The following REPS2 variants were observed in gnomAD, a reference collection of about 807,000 sequenced individuals.
REPS2 encodes the protein RALBP1 associated Eps domain containing 2.
In REPS2, 23 loss-of-function variants were observed where a neutral mutation model predicts 53.6. That is an observed-to-expected ratio of 0.43 (90% confidence interval 0.31 to 0.61). REPS2 has a LOEUF of 0.61. Ranked by LOEUF, REPS2 falls within the 20% of genes least tolerant of loss-of-function variation. The pLI is 0.11. For synonymous variants in REPS2, 238 were observed against 218.6 expected, an observed-to-expected ratio of 1.09 and a Z score of -0.78; for missense variants, 446 against 534.9, an observed-to-expected ratio of 0.83 and a Z score of 1.64.
intron 5 of REPS2, among the ~76,000 whole-genome samples, chrX:17,038,411 A>G (rs1416967164): frequency 2.7e-5 from 3 of 111,679 alleles, no homozygotes; most frequent in African/African-American, 6.5e-5. Context: ...CCTCTCCAAA[A>G]CCGCACAGCA....
intron 13 of REPS2, 50 bp downstream of exon 13, chrX:17,077,457 C>T (rs759708271): frequency 6.2e-6 from 7 of 1,121,926 alleles, no homozygotes; most frequent in Admixed American, 2.8e-5. Flanking sequence ...TTGGAGCCAG[C>T]GGATGTGTGT....
chrX:16,985,075 G>A (rs752836507), intron 1 of REPS2, among the ~76,000 whole-genome samples: 1 of 111,484 alleles, frequency 9.0e-6, no homozygotes, highest in Non-Finnish European at 1.9e-5. Context: ...TTAGAAAGGG[G>A]CTCAGTTTAT....
At chrX:17,004,718 G>T (rs1319777052) in intron 1 of REPS2, among the ~76,000 whole-genome samples, 1 of 111,852 alleles carries the variant, frequency 8.9e-6, no homozygotes, top group East Asian at 2.8e-4. Flanking sequence ...TGTTTTACTA[G>T]CAATTTCAGT....
intron 6 of REPS2, among the ~76,000 whole-genome samples, chrX:17,049,895 A>AT (rs765925592): frequency 1.7e-3 from 180 of 103,922 alleles, no homozygotes; most frequent in Non-Finnish European, 2.7e-3. Flanking sequence ...TGATGAAAGG[A>AT]TTTTTTTTTT....
intron 6 of REPS2, among the ~76,000 whole-genome samples, chrX:17,049,587 A>AT (rs1176656177): frequency 8.9e-6 from 1 of 111,947 alleles, no homozygotes; most frequent in African/African-American, 3.2e-5. Context: ...CAGCTGTGCA[A>AT]TTTTTTTAAA....
intron 13 of REPS2, among the ~76,000 whole-genome samples, chrX:17,091,337 A>G (rs2062613967): frequency 9.0e-6 from 1 of 111,711 alleles, no homozygotes; most frequent in South Asian, 3.8e-4. Flanking sequence ...CCCTGAATGT[A>G]GAATACCCTC....
chrX:17,062,383 C>T, intron 8 of REPS2, 55 bp from the exon 9 acceptor site: 1 of 913,290 alleles, frequency 1.1e-6, no homozygotes, highest in African/African-American at 2.0e-5. Flanking sequence ...ATGGGAAACA[C>T]TGATTACTAT....
chrX:17,110,618 C>G (rs1482333900), intron 14 of REPS2, among the ~76,000 whole-genome samples: 9 of 107,606 alleles, frequency 8.4e-5, no homozygotes, highest in Non-Finnish European at 1.7e-4. Context: ...CTTGAACCTG[C>G]AAGGCGGAGG....
the REPS2 span, among the ~76,000 whole-genome samples, chrX:17,193,268 A>G: frequency 2.7e-5 from 3 of 112,105 alleles, no homozygotes; most frequent in Non-Finnish European, 5.6e-5. Context: ...GGTATTGTCA[A>G]TGTTCTTAGT....
chrX:17,033,116 G>A (rs2061727784), intron 5 of REPS2, among the ~76,000 whole-genome samples: 1 of 112,094 alleles, frequency 8.9e-6, no homozygotes, highest in South Asian at 3.7e-4. Context: ...TATTCCTACT[G>A]TTCTCAGCTG....
chrX:17,006,672 A>G (rs1168174381), intron 2 of REPS2, among the ~76,000 whole-genome samples: 1 of 111,755 alleles, frequency 8.9e-6, no homozygotes, highest in African/African-American at 3.3e-5. Flanking sequence ...TGAGGTATCT[A>G]TAATGTTATT....
chrX:17,160,108 G>T, the REPS2 span, among the ~76,000 whole-genome samples: 3 of 112,914 alleles, frequency 2.7e-5, no homozygotes, highest in South Asian at 3.6e-4. Context: ...ACAATAATGT[G>T]GAAAGCAGAA....
chrX:17,190,067 G>A, the REPS2 span, among the ~76,000 whole-genome samples: 5 of 112,205 alleles, frequency 4.5e-5, no homozygotes, highest in Non-Finnish European at 5.6e-5. Context: ...TCAGTATGCC[G>A]TATGGGAGAT....
intron 5 of REPS2, 70 bp from the exon 6 acceptor site, chrX:17,047,277 G>T: frequency 3.6e-6 from 4 of 1,101,341 alleles, no homozygotes; most frequent in Non-Finnish European, 5.0e-6. Flanking sequence ...ACTTTTATTG[G>T]TGTTTAATTT....
At chrX:17,134,749 G>A (rs1422976319) in intron 15 of REPS2, among the ~76,000 whole-genome samples, 3 of 110,029 alleles carry the variant, frequency 2.7e-5, no homozygotes, top group African/African-American at 9.9e-5. Context: ...TCAGCCTTCC[G>A]AGTAGCTGGG....
chrX:16,964,631 C>T (rs765708826), intron 1 of REPS2, among the ~76,000 whole-genome samples: 1,718 of 105,172 alleles, frequency 0.016, 22 homozygotes, highest in Non-Finnish European at 0.025. Flanking sequence ...CCTCACCTCC[C>T]GGACGGGGCG....
rs1379548286 is a variant in REPS2 at position 16,946,857 on chromosome X, G to A, written c.-5G>A. 2 of 757,946 alleles carry A rather than the reference G, an allele frequency of 2.6e-6. No homozygotes were observed. Among genetic ancestry groups the A allele is most frequent in the Non-Finnish European group, 3.1e-6 (2 of 646,029 alleles). 62.5% of individuals were successfully genotyped at this position (757,946 alleles called of 1,213,427 possible). On this transcript the variant is annotated 5_prime_UTR_variant, in exon 1 of 18. Transcript: ENST00000357277. The stretch of plus-strand genomic sequence containing the variant: ...AGGGCTCCGCCGCGCCCCCTTGCTG[G>A]CCCCATGGAGGCGGCAGCGGCGGCG...
chrX:17,021,780 G>A (rs1395751441), intron 2 of REPS2, among the ~76,000 whole-genome samples: 4 of 112,461 alleles, frequency 3.6e-5, no homozygotes, highest in Non-Finnish European at 5.6e-5. Flanking sequence ...AGCATTATAT[G>A]AATTTTACCT....
At chrX:17,140,421 C>G (rs1263555606) in intron 17 of REPS2, among the ~76,000 whole-genome samples, 1 of 110,532 alleles carries the variant, frequency 9.0e-6, no homozygotes, top group Non-Finnish European at 1.9e-5. Flanking sequence ...TATACCCCAA[C>G]CCCATTTGCC....
Sources: gnomAD v4.1 joint callset for allele counts (sites outside exome capture counted in the v4.1 genomes callset) on GRCh38, gnomAD v4.1.1 for gene constraint, MANE v1.5 for transcripts, NCBI Gene and HGNC (gene_info 2026-07-23, HGNC 2026-07-21) for gene names.